The following EPHA5 variants were observed in gnomAD, a reference collection of about 807,000 sequenced individuals.
The protein encoded by EPHA5 is ephrin type-A receptor 5.
In EPHA5, 60 loss-of-function variants were observed where a neutral mutation model predicts 105.0. The ratio of observed to expected loss-of-function variants is 0.57; its 90% CI spans 0.46 to 0.71. EPHA5 has a LOEUF of 0.71. Among genes scored for constraint, EPHA5 ranks in the 30% least tolerant of loss-of-function variants. The pLI, the probability that EPHA5 is intolerant of heterozygous loss-of-function variation, is 0.00. For synonymous variants in EPHA5, 513 were observed against 449.1 expected (o/e 1.14, Z -1.80); for missense variants, 1,218 against 1,274.7 (o/e 0.96, Z 0.68).
At chr4:65,576,688 A>G (rs1386535313) in intron 3 of EPHA5, among the ~76,000 whole-genome samples, 2 of 152,224 alleles carry the variant, frequency 1.3e-5, no homozygotes, top group African/African-American at 4.8e-5. Context: ...AGACATAAAC[A>G]TTAGGAACTA....
At chr4:65,528,667 T>G (rs2149296433) in intron 3 of EPHA5, among the ~76,000 whole-genome samples, 1 of 152,314 alleles carries the variant, frequency 6.6e-6, no homozygotes, top group African/African-American at 2.4e-5. Flanking sequence ...TTCATTTCCC[T>G]TTGTTTCATG....
chr4:65,505,898 G>C (rs538701344), intron 3 of EPHA5, among the ~76,000 whole-genome samples: 1 of 151,918 alleles, frequency 6.6e-6, no homozygotes, highest in African/African-American at 2.4e-5. Flanking sequence ...TGTGCACAAC[G>C]TGCAGGTTTG....
At position 65,495,534 on chromosome 4, in the gene EPHA5, G is replaced by T. The variant is rs1172104594; in HGVS notation, c.920C>A (p.Pro307His). 6.2e-7 allele frequency: 1 copy of T among 1,611,382 alleles called. No homozygotes were observed. The highest frequency in any genetic ancestry group is 8.5e-7 in the Non-Finnish European group (1 of 1,179,032). The change falls in exon 4 of 17, where the codon CCT becomes CAT. Residue 307 changes from proline (P) to histidine (H), a missense_variant. By Grantham distance (77) the Pro-to-His change is moderately conservative. Around this residue, in one of 3 missense-constraint regions of EPHA5, gnomAD observed 971 missense variants for 1,013.5 expected, o/e 0.96. Coordinates refer to ENST00000613740, the MANE Select transcript of EPHA5 (RefSeq NM_001281766.3). ...EKNGTCQVCR[P>H]GFFKASPHIQ... The stretch of plus-strand genomic sequence containing the variant: ...GTGAGGTGAGGCTTTGAAGAACCCA[G>T]GTCTGCACACTGTCAAAAGAAATAA...
intron 5 of EPHA5, among the ~76,000 whole-genome samples, chr4:65,440,530 A>ACACACACG (rs1725913057): frequency 6.6e-6 from 1 of 151,770 alleles, no homozygotes; most frequent in Non-Finnish European, 1.5e-5. Flanking sequence ...ACACACACAC[A>ACACACACG]CACAGAGGGA....
At chr4:65,568,169 T>A (rs574909673) in intron 3 of EPHA5, among the ~76,000 whole-genome samples, 1 of 151,518 alleles carries the variant, frequency 6.6e-6, no homozygotes, top group African/African-American at 2.4e-5. Flanking sequence ...ATGACAACTA[T>A]ATTTTTCAAA....
At chr4:65,668,335 C>G (rs979144082) in intron 1 of EPHA5, among the ~76,000 whole-genome samples, 1 of 152,144 alleles carries the variant, frequency 6.6e-6, no homozygotes, top group Non-Finnish European at 1.5e-5. Flanking sequence ...TCTAGTGTCC[C>G]GTGCCCAGGA....
chr4:65,661,203 A>G (rs1749529051), intron 1 of EPHA5, among the ~76,000 whole-genome samples: 1 of 152,188 alleles, frequency 6.6e-6, no homozygotes, highest in Non-Finnish European at 1.5e-5. Context: ...ACAAACAAAA[A>G]CTAAAACCAT....
chr4:65,412,226 A>T (rs1173956231), intron 7 of EPHA5, among the ~76,000 whole-genome samples: 3 of 152,160 alleles, frequency 2.0e-5, no homozygotes, highest in African/African-American at 7.2e-5. Context: ...AGACTCTCTC[A>T]ATATAAATAA....
chr4:65,659,555 A>G (rs1456100574), intron 1 of EPHA5, among the ~76,000 whole-genome samples: 1 of 151,988 alleles, frequency 6.6e-6, no homozygotes, highest in Non-Finnish European at 1.5e-5. Context: ...ATGACTAAGT[A>G]TGAGAGGAAA....
At chr4:65,600,548 G>A (rs750343560) in intron 3 of EPHA5, among the ~76,000 whole-genome samples, 18 of 152,022 alleles carry the variant, frequency 1.2e-4, no homozygotes, top group Admixed American at 3.9e-4. Flanking sequence ...TCCCTGGATC[G>A]ATAATCAATC....
intron 3 of EPHA5, among the ~76,000 whole-genome samples, chr4:65,579,840 A>G (rs1741443107): frequency 6.6e-6 from 1 of 152,026 alleles, no homozygotes; most frequent in Non-Finnish European, 1.5e-5. Context: ...ATGTAAACAT[A>G]CACATCTATA....
chr4:65,326,036 A>G (rs116160570), intron 16 of EPHA5, among the ~76,000 whole-genome samples: 24,627 of 147,372 alleles, frequency 0.17, 2,227 homozygotes, highest in East Asian at 0.33. Context: ...TATCTCATAT[A>G]TATATGTATA....
At chr4:65,442,454 T>C (rs537545879) in intron 5 of EPHA5, among the ~76,000 whole-genome samples, 50 of 152,268 alleles carry the variant, frequency 3.3e-4, no homozygotes, top group Non-Finnish European at 6.0e-4. Context: ...AATTAATTTC[T>C]GTTGTTTATG....
intron 3 of EPHA5, among the ~76,000 whole-genome samples, chr4:65,555,399 C>T (rs1738328589): frequency 6.6e-6 from 1 of 151,932 alleles, no homozygotes; most frequent in Non-Finnish European, 1.5e-5. Context: ...AAAATGCCCA[C>T]CTATCTGACT....
At chr4:65,450,507 G>T (rs2149105968) in intron 5 of EPHA5, among the ~76,000 whole-genome samples, 1 of 152,228 alleles carries the variant, frequency 6.6e-6, no homozygotes, top group East Asian at 1.9e-4. Flanking sequence ...CATAGATCCA[G>T]ACCAATGTAA....
intron 11 of EPHA5, among the ~76,000 whole-genome samples, chr4:65,354,596 T>C (rs1723125479): frequency 6.6e-6 from 1 of 151,724 alleles, no homozygotes. Context: ...TACTATACAA[T>C]TGTGAAATGC....
intron 1 of EPHA5, among the ~76,000 whole-genome samples, chr4:65,645,002 G>C (rs1747996991): frequency 6.6e-6 from 1 of 151,790 alleles, no homozygotes; most frequent in Non-Finnish European, 1.5e-5. Flanking sequence ...TTAATTTGTG[G>C]AACTGTTAAT....
intron 15 of EPHA5, among the ~76,000 whole-genome samples, chr4:65,333,358 A>C (rs539497735): frequency 6.6e-6 from 1 of 151,728 alleles, no homozygotes; most frequent in South Asian, 2.1e-4. Flanking sequence ...ACTCTAGTTG[A>C]GATGGTCAAT....
At chr4:65,638,087 A>T (rs2149504299) in intron 2 of EPHA5, among the ~76,000 whole-genome samples, 1 of 152,270 alleles carries the variant, frequency 6.6e-6, no homozygotes, top group South Asian at 2.1e-4. Context: ...AAATAAACAT[A>T]TCCATTCTTA....
Sources: allele counts gnomAD v4.1 joint callset (sites outside exome capture counted in the v4.1 genomes callset), GRCh38; gene constraint gnomAD v4.1.1; regional missense constraint gnomAD v4.1.1; transcripts MANE v1.5; gene names NCBI Gene and HGNC (gene_info 2026-07-23, HGNC 2026-07-21).